The following ENPP3 variants were observed in gnomAD, a reference collection of about 807,000 sequenced individuals.
ENPP3 encodes ectonucleotide pyrophosphatase/phosphodiesterase 3.
ENPP3 carries 104 observed loss-of-function variants against 117.8 expected under a neutral mutation model. The observed-to-expected ratio is 0.88, with a 90% CI of 0.75 to 1.04. The LOEUF (loss-of-function observed/expected upper bound fraction) is 1.04. ENPP3 is among the 50% of genes least tolerant of loss of function. The pLI is 0.00. For missense variants in ENPP3, 1,026 were observed against 1,051.9 expected (o/e 0.98, Z 0.34); for synonymous variants, 380 against 349.9 (o/e 1.09, Z -0.96).
At position 131,724,043 on chromosome 6, in the gene ENPP3, A is replaced by G. The variant is rs1324439009; in HGVS notation, c.1750A>G (p.Thr584Ala). 2 of 1,610,274 alleles carry G rather than the reference A, an allele frequency of 1.2e-6. No individual in the cohort carries two copies. Among genetic ancestry groups the G allele is most frequent in the South Asian group, 1.1e-5 (1 of 90,954 alleles). ...DCFCPHLQNS[T>A]QLEQVNQMLN... ...CCCATCCCTCATTATCTTGCAGAGT[A>G]CTCAGCTGGAACAAGTGAATCAGAT... The change falls in exon 19 of 25, where the codon ACT becomes GCT. Residue 584 changes from threonine (T) to alanine (A), a missense_variant. Thr to Ala is a moderately conservative substitution (Grantham distance 58, BLOSUM62 0). Coordinates refer to ENST00000357639, the MANE Select transcript of ENPP3 (RefSeq NM_005021.5).
At chr6:131,717,313 G>A (rs951756011) in intron 15 of ENPP3, among the ~76,000 whole-genome samples, 2 of 148,204 alleles carry the variant, frequency 1.3e-5, no homozygotes, top group Non-Finnish European at 3.0e-5. Flanking sequence ...GTTGTTAGTC[G>A]AGTCGAGTTT....
intron 6 of ENPP3, among the ~76,000 whole-genome samples, chr6:131,659,674 A>T (rs1301022117): frequency 6.6e-6 from 1 of 152,136 alleles, no homozygotes; most frequent in Non-Finnish European, 1.5e-5. Context: ...CTCAAGGTGC[A>T]TTGTTTCTTC....
chr6:131,637,674 C>G (rs972998827), intron 1 of ENPP3, among the ~76,000 whole-genome samples: 1 of 152,124 alleles, frequency 6.6e-6, no homozygotes, highest in Non-Finnish European at 1.5e-5. Context: ...GTTAACATTA[C>G]GTTAAACTCA....
At chr6:131,723,824 C>CTCTG (rs1780087828) in intron 18 of ENPP3, among the ~76,000 whole-genome samples, 1 of 148,526 alleles carries the variant, frequency 6.7e-6, no homozygotes, top group African/African-American at 2.6e-5. Flanking sequence ...CTCTCTCTCT[C>CTCTG]TCTCACACAC....
At chr6:131,740,159 C>T (rs1367582465) in intron 23 of ENPP3, 65 bp from the exon 24 acceptor site, 40 of 1,249,292 alleles carry the variant, frequency 3.2e-5, no homozygotes, top group Non-Finnish European at 4.0e-5. Context: ...TATGTAAACA[C>T]ACTTATCACC....
At chr6:131,674,584 T>C (rs1041522078) in intron 8 of ENPP3, among the ~76,000 whole-genome samples, 1 of 151,740 alleles carries the variant, frequency 6.6e-6, no homozygotes, top group Admixed American at 6.6e-5. Flanking sequence ...TTTTTTTTCT[T>C]TTTTTTTGAG....
At chr6:131,745,903 G>A (rs531297878) in intron 24 of ENPP3, among the ~76,000 whole-genome samples, 44 of 152,090 alleles carry the variant, frequency 2.9e-4, no homozygotes, top group Non-Finnish European at 5.9e-4. Flanking sequence ...TGGATCACCC[G>A]AGATCAGGAG....
At chr6:131,641,690 C>A (rs1031086155) in intron 2 of ENPP3, among the ~76,000 whole-genome samples, 160 bp downstream of exon 2, 4 of 151,878 alleles carry the variant, frequency 2.6e-5, no homozygotes, top group Non-Finnish European at 4.4e-5. Context: ...CGGGAGTCCA[C>A]ATCTGAGGTT....
chr6:131,681,529 A>G (rs1020299716), intron 11 of ENPP3, among the ~76,000 whole-genome samples: 1 of 152,090 alleles, frequency 6.6e-6, no homozygotes, highest in Non-Finnish European at 1.5e-5. Context: ...AACACAGAAA[A>G]TTTACATCAG....
At chr6:131,678,436 T>A (rs971632243) in intron 11 of ENPP3, among the ~76,000 whole-genome samples, 8 of 152,350 alleles carry the variant, frequency 5.3e-5, no homozygotes, top group African/African-American at 1.9e-4. Context: ...GTGGACTCTC[T>A]AATATGAGTT....
At chr6:131,687,531 T>C (rs1254524797) in intron 14 of ENPP3, among the ~76,000 whole-genome samples, 3 of 152,184 alleles carry the variant, frequency 2.0e-5, no homozygotes, top group Admixed American at 1.3e-4. Context: ...AACTAAGAGC[T>C]TCTGTATAGC....
intron 15 of ENPP3, among the ~76,000 whole-genome samples, chr6:131,717,129 A>G (rs879320401): frequency 7.9e-5 from 12 of 152,002 alleles, no homozygotes; most frequent in Non-Finnish European, 1.6e-4. Flanking sequence ...CCAGGTACTT[A>G]CCTGGCCTCT....
intron 19 of ENPP3, among the ~76,000 whole-genome samples, chr6:131,724,394 ACCTC>A (rs1192394994): frequency 5.3e-5 from 8 of 152,020 alleles, no homozygotes; most frequent in Non-Finnish European, 8.8e-5. Flanking sequence ...TTTGAGTCCT[ACCTC>A]TGGTGCTTCC....
chr6:131,722,522 TA>T, intron 18 of ENPP3, 117 bp downstream of exon 18: 2 of 747,708 alleles, frequency 2.7e-6, no homozygotes, highest in East Asian at 5.0e-5. Flanking sequence ...GATATTTACT[TA>T]GTAAATATAT....
At chr6:131,655,841 G>A (rs940686450) in intron 5 of ENPP3, among the ~76,000 whole-genome samples, 1 of 152,140 alleles carries the variant, frequency 6.6e-6, no homozygotes, top group Non-Finnish European at 1.5e-5. Flanking sequence ...GTGAGGAAAG[G>A]GGTGGTGGTG....
intron 17 of ENPP3, among the ~76,000 whole-genome samples, 160 bp from the exon 18 acceptor site, chr6:131,722,067 A>G (rs75108182): frequency 0.054 from 8,281 of 152,238 alleles, 316 homozygotes; most frequent in Non-Finnish European, 0.084. Context: ...CATGGAGAAG[A>G]AAGTCAGTAA....
intron 15 of ENPP3, among the ~76,000 whole-genome samples, chr6:131,697,754 G>A (rs928434146): frequency 6.6e-6 from 1 of 152,110 alleles, no homozygotes; most frequent in African/African-American, 2.4e-5. Flanking sequence ...AGCTCAGGTG[G>A]TAATGCTTAC....
In ENPP3 at chr6:131,738,082, G is replaced by A. The variant is rs1370486424; in HGVS notation, c.2219G>A (p.Arg740Lys). ...SVLLIKHATE[R>K]NGVNVVSGPI... ...CTTCTTATAAAACATGCCACAGAAAGAAATGGAGTAAATGTGGTTAGTGGA... is the reference window on the plus strand; with the variant it reads ...CTTCTTATAAAACATGCCACAGAAAAAAATGGAGTAAATGTGGTTAGTGGA... Residue 740 changes from arginine to lysine, a missense_variant, in exon 23 of 25, where the codon AGA becomes AAA. Coordinates refer to ENST00000357639, the MANE Select transcript of ENPP3 (RefSeq NM_005021.5). 22 of 1,605,720 alleles carry A rather than the reference G, an allele frequency of 1.4e-5. 1 individual carries two copies. The Admixed American group carries it at 3.7e-4, about 27-fold the overall frequency.
At chr6:131,722,455 C>T in intron 18 of ENPP3, 50 bp downstream of exon 18, 1 of 1,505,838 alleles carries the variant, frequency 6.6e-7, no homozygotes, top group South Asian at 1.2e-5. Flanking sequence ...GCAAGCTATT[C>T]TTAACCTGGG....
Sources: gnomAD v4.1 joint callset for allele counts (sites outside exome capture counted in the v4.1 genomes callset) on GRCh38, gnomAD v4.1.1 for gene constraint, MANE v1.5 for transcripts, NCBI Gene and HGNC (gene_info 2026-07-23, HGNC 2026-07-21) for gene names.